CLPB: variants seen among roughly 807,000 people sequenced by gnomAD.
CLPB encodes the protein mitochondrial disaggregase.
Under a neutral mutation model 78.4 loss-of-function variants are expected in CLPB, and 40 were observed. The ratio of observed to expected loss-of-function variants is 0.51; its 90% CI spans 0.40 to 0.66. The LOEUF (loss-of-function observed/expected upper bound fraction) is 0.66. Among genes scored for constraint, CLPB ranks in the 30% least tolerant of loss-of-function variants. CLPB has a pLI of 0.00. For synonymous variants in CLPB, 333 were observed against 348.0 expected (o/e 0.96, Z 0.48); for missense variants, 780 against 886.9 (o/e 0.88, Z 1.53).
chr11:72,426,013 T>C (rs1038902867), intron 2 of CLPB, among the ~76,000 whole-genome samples: 1 of 152,076 alleles, frequency 6.6e-6, no homozygotes, highest in Non-Finnish European at 1.5e-5. Flanking sequence ...ACTGCTTAAG[T>C]GTTCCCTGTG....
intron 7 of CLPB, 33 bp downstream of exon 7, chr11:72,317,073 C>T (rs1161747629): frequency 1.4e-6 from 2 of 1,475,416 alleles, no homozygotes; most frequent in Non-Finnish European, 1.9e-6. Flanking sequence ...CAAAGGGCAC[C>T]ACTCTGCCCT....
intron 2 of CLPB, among the ~76,000 whole-genome samples, chr11:72,424,480 C>T (rs1365374693): frequency 2.0e-5 from 3 of 152,132 alleles, no homozygotes; most frequent in Non-Finnish European, 4.4e-5. Flanking sequence ...GCCTCTTCTG[C>T]GTGGTGGCTC....
At chr11:72,336,325 C>T (rs1392062860) in intron 5 of CLPB, among the ~76,000 whole-genome samples, 6 of 152,164 alleles carry the variant, frequency 3.9e-5, no homozygotes, top group East Asian at 1.9e-4. Flanking sequence ...TCCCCACCCC[C>T]GGTTCTGTCA....
chr11:72,331,570 GTTTTTT>G (rs71062765), intron 5 of CLPB, among the ~76,000 whole-genome samples: 1 of 49,382 alleles, frequency 2.0e-5, no homozygotes, highest in Non-Finnish European at 3.5e-5. Context: ...TTTCTTTTCT[GTTTTTT>G]TTTTTTTTTT....
At chr11:72,298,686 C>T (rs763306611) in intron 11 of CLPB, among the ~76,000 whole-genome samples, 11 of 152,144 alleles carry the variant, frequency 7.2e-5, no homozygotes, top group Non-Finnish European at 1.6e-4. Context: ...TTTGTAGAGA[C>T]AAGGTTTTGC....
At position 72,292,236 on chromosome 11, in the gene CLPB, G is replaced by A. The variant is rs1472177635; in HGVS notation, c.*1131C>T. ...TGGCCCCATTCTCTGCTTCCTGAAA[G>A]ACTAGCTAACACTACGCGAGGGTTC... On this transcript the variant is annotated 3_prime_UTR_variant, in exon 16 of 16. Transcript: ENST00000538039. The A allele has an allele frequency of 6.6e-6, 1 of 152,240 alleles. No individual in the cohort carries two copies. The highest frequency in any genetic ancestry group is 1.5e-5 in the Non-Finnish European group (1 of 68,178). 9.4% of individuals were successfully genotyped at this position (152,240 alleles called of 1,614,324 possible).
At chr11:72,339,526 A>G (rs763883152) in intron 5 of CLPB, among the ~76,000 whole-genome samples, 7 of 152,232 alleles carry the variant, frequency 4.6e-5, no homozygotes, top group Non-Finnish European at 7.3e-5. Context: ...TCCAGCACTG[A>G]AAGTGTTCAA....
At chr11:72,427,874 C>T (rs1310137232) in intron 2 of CLPB, among the ~76,000 whole-genome samples, 1 of 152,134 alleles carries the variant, frequency 6.6e-6, no homozygotes, top group African/African-American at 2.4e-5. Flanking sequence ...ATAGGCAGGT[C>T]TGTTGGGCAG....
chr11:72,403,808 T>C (rs1330711366), intron 2 of CLPB, among the ~76,000 whole-genome samples: 1 of 152,160 alleles, frequency 6.6e-6, no homozygotes. Flanking sequence ...GAATTTAAAG[T>C]ATCCCACTAA....
chr11:72,385,683 C>T (rs560350204), intron 3 of CLPB, among the ~76,000 whole-genome samples: 55 of 152,170 alleles, frequency 3.6e-4, no homozygotes, highest in African/African-American at 9.6e-4. Flanking sequence ...ATTATCTGGG[C>T]GTGGTGGTGT....
chr11:72,315,058 A>G (rs1949917225), intron 7 of CLPB, among the ~76,000 whole-genome samples: 1 of 152,002 alleles, frequency 6.6e-6, no homozygotes, highest in Non-Finnish European at 1.5e-5. Context: ...CAGATAGGAG[A>G]CGTGGACACC....
At chr11:72,350,354 A>G (rs1950592467) in intron 5 of CLPB, among the ~76,000 whole-genome samples, 1 of 152,112 alleles carries the variant, frequency 6.6e-6, no homozygotes. Context: ...TAACATCCAC[A>G]TTTTGAGTCT....
intron 3 of CLPB, among the ~76,000 whole-genome samples, chr11:72,400,825 C>T (rs750694047): frequency 2.0e-5 from 3 of 152,172 alleles, no homozygotes; most frequent in Non-Finnish European, 2.9e-5. Context: ...TACTATGCTG[C>T]CACATTGAGT....
intron 6 of CLPB, among the ~76,000 whole-genome samples, chr11:72,319,403 C>G (rs1436558856): frequency 1.3e-5 from 2 of 152,232 alleles, no homozygotes; most frequent in Admixed American, 6.5e-5. Context: ...TGTGGAATGG[C>G]TGCTGTATGC....
intron 4 of CLPB, among the ~76,000 whole-genome samples, chr11:72,366,317 C>T (rs866995466): frequency 7.9e-5 from 12 of 152,082 alleles, no homozygotes; most frequent in South Asian, 2.1e-4. Flanking sequence ...CAGGCTCAAG[C>T]GATTCCTCTG....
intron 2 of CLPB, among the ~76,000 whole-genome samples, chr11:72,423,047 T>C (rs968667277): frequency 6.6e-6 from 1 of 152,104 alleles, no homozygotes; most frequent in East Asian, 1.9e-4. Flanking sequence ...CAGATTTTTT[T>C]CCCCAAAGCC....
intron 3 of CLPB, among the ~76,000 whole-genome samples, chr11:72,392,350 T>C (rs1488612952): frequency 1.3e-5 from 2 of 151,996 alleles, no homozygotes; most frequent in South Asian, 2.1e-4. Context: ...GAAAGTCAAA[T>C]GAGTTGTGGC....
At chr11:72,350,966 G>T (rs556558890) in intron 5 of CLPB, among the ~76,000 whole-genome samples, 3 of 152,284 alleles carry the variant, frequency 2.0e-5, no homozygotes, top group African/African-American at 7.2e-5. Context: ...ATCATCTCCA[G>T]AAGAAACCTT....
chr11:72,303,927 T>C (rs1721418437), intron 9 of CLPB: 1 of 152,264 alleles, frequency 6.6e-6, no homozygotes, highest in African/African-American at 2.4e-5. Flanking sequence ...TCCAAGTCTG[T>C]GCTCTTAGCC....
Sources: allele counts gnomAD v4.1 joint callset (sites outside exome capture counted in the v4.1 genomes callset), GRCh38; gene constraint gnomAD v4.1.1; transcripts MANE v1.5; gene names NCBI Gene and HGNC (gene_info 2026-07-23, HGNC 2026-07-21).